PLCE1: variants seen among roughly 807,000 people sequenced by gnomAD.
The protein encoded by PLCE1 is 1-phosphatidylinositol 4,5-bisphosphate phosphodiesterase epsilon-1.
In PLCE1, 119 loss-of-function variants were observed where a neutral mutation model predicts 242.8. The observed-to-expected ratio is 0.49, with a 90% CI of 0.42 to 0.57. The LOEUF (loss-of-function observed/expected upper bound fraction) is 0.57, where lower values mean the gene tolerates loss of function less well. PLCE1 is among the 20% of genes least tolerant of loss of function. PLCE1 has a pLI of 0.00. For synonymous variants in PLCE1, 945 were observed against 1,017.4 expected (o/e 0.93, Z 1.35); for missense variants, 2,441 against 2,788.8 (o/e 0.88, Z 2.81).
At chr10:94,024,783 A>G (rs1169967676) in intron 1 of PLCE1, among the ~76,000 whole-genome samples, 3 of 152,162 alleles carry the variant, frequency 2.0e-5, no homozygotes. Context: ...GAAACATTCT[A>G]GGAATTAGTG....
chr10:94,125,096 C>G (rs2046400899), intron 2 of PLCE1, among the ~76,000 whole-genome samples: 2 of 152,266 alleles, frequency 1.3e-5, no homozygotes, highest in South Asian at 4.1e-4. Flanking sequence ...GAGAAATTCA[C>G]TTATTCAATC....
Position 94,110,794 on chromosome 10 carries a change from G to T in PLCE1, c.1207-21380G>T, listed in dbSNP as rs534923672. Among the ~76,000 whole-genome samples the T allele has an allele frequency of 6.6e-5, 10 of 152,286 alleles. No individual in the cohort carries two copies. The South Asian group carries it at 1.7e-3, about 25-fold the overall frequency. Reference sequence around the variant, plus strand: ...AACAGAAGCATCATCCTTCTCTGTTGGTAATTTTCAGCTTGATTTGGTTTG... The same window carrying T: ...AACAGAAGCATCATCCTTCTCTGTTTGTAATTTTCAGCTTGATTTGGTTTG... On this transcript the variant is annotated intron_variant, in intron 2 of 32. Transcript: ENST00000371380.
chr10:93,998,653 A>C (rs1026755572), intron 1 of PLCE1, among the ~76,000 whole-genome samples: 4 of 152,180 alleles, frequency 2.6e-5, no homozygotes, highest in African/African-American at 7.2e-5. Context: ...GAGTGCTCAA[A>C]GTTAACTACT....
At chr10:94,076,264 G>T (rs1296737892) in intron 2 of PLCE1, among the ~76,000 whole-genome samples, 1 of 152,106 alleles carries the variant, frequency 6.6e-6, no homozygotes, top group Non-Finnish European at 1.5e-5. Flanking sequence ...TGTTTAGTAG[G>T]AGGTTATTAT....
intron 5 of PLCE1, 141 bp from the exon 6 acceptor site, chr10:94,233,913 A>C: frequency 1.4e-6 from 1 of 729,068 alleles, no homozygotes. Context: ...GCACCACTGC[A>C]CTCCAGCCTG....
At chr10:94,318,045 G>A (rs1307141017) in intron 29 of PLCE1, among the ~76,000 whole-genome samples, 1 of 152,170 alleles carries the variant, frequency 6.6e-6, no homozygotes, top group Non-Finnish European at 1.5e-5. Context: ...TCTAGTCACA[G>A]TGAGTGAATG....
At chr10:94,049,599 G>GTCTGTCTC (rs1554844692) in intron 2 of PLCE1, among the ~76,000 whole-genome samples, 3 of 150,604 alleles carry the variant, frequency 2.0e-5, no homozygotes, top group Admixed American at 6.6e-5. Flanking sequence ...CTGTCTGTCT[G>GTCTGTCTC]TCTCTCTCTC....
intron 8 of PLCE1, among the ~76,000 whole-genome samples, chr10:94,251,191 A>G (rs1041396444): frequency 6.6e-6 from 1 of 152,226 alleles, no homozygotes; most frequent in African/African-American, 2.4e-5. Context: ...ATGGACAGCC[A>G]TAAGTCACAA....
chr10:94,324,079 C>T (rs1215599740), intron 30 of PLCE1, among the ~76,000 whole-genome samples: 3 of 152,170 alleles, frequency 2.0e-5, no homozygotes, highest in Non-Finnish European at 4.4e-5. Context: ...CTGGAATCTA[C>T]TTAACCTGTC....
chr10:94,276,737 A>G (rs1421653447), intron 19 of PLCE1, among the ~76,000 whole-genome samples: 1 of 152,188 alleles, frequency 6.6e-6, no homozygotes, highest in African/African-American at 2.4e-5. Context: ...AAGTTCTCAC[A>G]AACCAAGTGA....
chr10:94,215,179 G>A (rs957326272), intron 4 of PLCE1, among the ~76,000 whole-genome samples: 2 of 152,170 alleles, frequency 1.3e-5, no homozygotes, highest in African/African-American at 2.4e-5. Context: ...CTGGGGCTGT[G>A]AGCTCTAGGG....
At chr10:94,179,587 C>T (rs1280074665) in intron 4 of PLCE1, among the ~76,000 whole-genome samples, 2 of 136,872 alleles carry the variant, frequency 1.5e-5, no homozygotes, top group East Asian at 2.2e-4. Context: ...CTCAGTGCAG[C>T]CTCAGCCTCT....
chr10:94,198,118 G>GT (rs2048882866), intron 4 of PLCE1, among the ~76,000 whole-genome samples: 1 of 150,516 alleles, frequency 6.6e-6, no homozygotes, highest in African/African-American at 2.4e-5. Context: ...ATTGGCTGTT[G>GT]TCATTCTAAG....
intron 2 of PLCE1, chr10:94,099,970 CT>C (rs929697527): frequency 3.3e-5 from 5 of 152,246 alleles, no homozygotes; most frequent in South Asian, 2.1e-4. Flanking sequence ...ATGTGCACCC[CT>C]GATGCCATTA....
chr10:94,031,693 G>C lies in PLCE1; in HGVS notation c.647G>C (p.Cys216Ser). The C allele has an allele frequency of 6.2e-7, 1 of 1,613,892 alleles. No homozygotes were observed. Among genetic ancestry groups the C allele is most frequent in the Non-Finnish European group, 8.5e-7 (1 of 1,179,886 alleles). ...ENLILDDCGN[C>S]VPLPGGEEKQ... ...TTAATTTTAGACGATTGTGGAAATTGTGTACCACTACCTGGGGGTGAGGAG... is the reference window on the plus strand; with the variant it reads ...TTAATTTTAGACGATTGTGGAAATTCTGTACCACTACCTGGGGGTGAGGAG... The change falls in exon 2 of 33, where the codon TGT becomes TCT. Residue 216 changes from cysteine to serine, a missense_variant. This residue lies in a region of PLCE1 where 393 missense variants were observed against 378.5 expected (regional missense o/e 1.04). Coordinates refer to ENST00000371380, the MANE Select transcript of PLCE1 (RefSeq NM_016341.4).
At chr10:94,284,000 CCTTTCA>C (rs923501402) in intron 21 of PLCE1, 89 bp downstream of exon 21, 17 of 1,451,020 alleles carry the variant, frequency 1.2e-5, no homozygotes, top group Admixed American at 6.9e-5. Flanking sequence ...CCTGTCCCTC[CCTTTCA>C]CCTTTCCCCT....
Position 94,262,574 on chromosome 10 carries a change from T to C in PLCE1, c.3895T>C (p.Ser1299Pro). 1 of 1,614,022 alleles carries C rather than the reference T, an allele frequency of 6.2e-7. No individual in the cohort carries two copies. The highest frequency in any genetic ancestry group is 8.5e-7 in the Non-Finnish European group (1 of 1,179,876). Residue 1299 changes from serine to proline, a missense_variant, in exon 14 of 33, where the codon TCT becomes CCT. Ser to Pro is a moderately conservative substitution (Grantham distance 74, BLOSUM62 -1). Around this residue, in one of 5 missense-constraint regions of PLCE1, gnomAD observed 1,004 missense variants for 1,322.7 expected, o/e 0.76. Transcript: ENST00000371380. ...GCTATCGGACAACCAGAGGCAGATA[T>C]CTGATGCCATTGCTGCTGCAAGCAT... ...QQLSDNQRQI[S>P]DAIAAASIVT...
intron 2 of PLCE1, among the ~76,000 whole-genome samples, chr10:94,084,562 C>T (rs1450591773): frequency 1.3e-5 from 2 of 152,316 alleles, no homozygotes; most frequent in East Asian, 3.9e-4. Flanking sequence ...AATGTGAGCC[C>T]TCAGGGCCCT....
chr10:94,126,188 C>G (rs1237297136), intron 2 of PLCE1, among the ~76,000 whole-genome samples: 1 of 152,090 alleles, frequency 6.6e-6, no homozygotes, highest in African/African-American at 2.4e-5. Flanking sequence ...TCATTTTGCC[C>G]AAACCACTCC....
Sources: gnomAD v4.1 joint callset for allele counts (sites outside exome capture counted in the v4.1 genomes callset) on GRCh38, gnomAD v4.1.1 for gene constraint, gnomAD v4.1.1 regional missense constraint, MANE v1.5 for transcripts, NCBI Gene and HGNC (gene_info 2026-07-23, HGNC 2026-07-21) for gene names.